The following CMTM8 variants were observed in gnomAD, a reference collection of about 807,000 sequenced individuals.
CMTM8 encodes CKLF like MARVEL transmembrane domain containing 8, also known as CKLF-like MARVEL transmembrane domain-containing protein 8.
CMTM8 carries 12 observed loss-of-function variants against 18.6 expected under a neutral mutation model. The observed-to-expected ratio is 0.65, with a 90% CI of 0.41 to 1.05. The LOEUF (loss-of-function observed/expected upper bound fraction) is 1.05. CMTM8 is among the 50% of genes least tolerant of loss of function. CMTM8 has a pLI of 0.00. For synonymous variants in CMTM8, 87 were observed against 90.6 expected, an observed-to-expected ratio of 0.96 and a Z score of 0.23; for missense variants, 217 against 227.2, an observed-to-expected ratio of 0.95 and a Z score of 0.29.
intron 1 of CMTM8, among the ~76,000 whole-genome samples, chr3:32,291,008 A>G (rs1410278520): frequency 6.6e-6 from 1 of 152,162 alleles, no homozygotes; most frequent in Non-Finnish European, 1.5e-5. Flanking sequence ...TCAGCCTCCC[A>G]CAGTGCTGGG....
intron 1 of CMTM8, among the ~76,000 whole-genome samples, chr3:32,280,437 T>G (rs1273494177): frequency 2.0e-5 from 3 of 152,022 alleles, no homozygotes; most frequent in Admixed American, 1.3e-4. Context: ...GGTATAACTT[T>G]GTAACTTCAC....
chr3:32,348,684 A>G (rs902366015), intron 1 of CMTM8, among the ~76,000 whole-genome samples: 2 of 151,790 alleles, frequency 1.3e-5, no homozygotes, highest in Non-Finnish European at 2.9e-5. Context: ...TTTTTTTGGT[A>G]GAGATGGGGT....
intron 1 of CMTM8, among the ~76,000 whole-genome samples, chr3:32,354,312 A>G (rs1696770472): frequency 6.6e-6 from 1 of 152,218 alleles, no homozygotes; most frequent in African/African-American, 2.4e-5. Flanking sequence ...AGTGGAGACA[A>G]AAGGTTTGCT....
At chr3:32,318,478 G>A (rs1459037928) in intron 1 of CMTM8, among the ~76,000 whole-genome samples, 1 of 151,740 alleles carries the variant, frequency 6.6e-6, no homozygotes, top group Non-Finnish European at 1.5e-5. Context: ...AGGAATGGCT[G>A]GTTTTATTTT....
chr3:32,301,090 T>C (rs528015260), intron 1 of CMTM8, among the ~76,000 whole-genome samples: 1 of 152,262 alleles, frequency 6.6e-6, no homozygotes, highest in South Asian at 2.1e-4. Context: ...CCAGTTAAGA[T>C]GGGAAGGATT....
chr3:32,342,880 C>T (rs578086620), intron 1 of CMTM8, among the ~76,000 whole-genome samples: 2 of 152,324 alleles, frequency 1.3e-5, no homozygotes, highest in African/African-American at 4.8e-5. Flanking sequence ...TGTCCTCCCA[C>T]ACCCTAGGAG....
chr3:32,300,735 G>A (rs1695597893), intron 1 of CMTM8, among the ~76,000 whole-genome samples: 1 of 152,030 alleles, frequency 6.6e-6, no homozygotes, highest in Non-Finnish European at 1.5e-5. Flanking sequence ...GAGGTGGGTG[G>A]ATCACCTGAG....
chr3:32,246,199 T>C (rs1443770953), intron 1 of CMTM8, among the ~76,000 whole-genome samples: 1 of 152,206 alleles, frequency 6.6e-6, no homozygotes, highest in Non-Finnish European at 1.5e-5. Flanking sequence ...CATTTGTCCT[T>C]CACATTCCCT....
chr3:32,263,373 A>G (rs1702284988), intron 1 of CMTM8, among the ~76,000 whole-genome samples: 1 of 152,354 alleles, frequency 6.6e-6, no homozygotes, highest in Non-Finnish European at 1.5e-5. Context: ...ACTCCAACAG[A>G]CCTGCAGCTG....
At position 32,239,051 on chromosome 3, in the gene CMTM8, A is replaced by T; in HGVS notation, c.79A>T (p.Ser27Cys). The T allele has an allele frequency of 6.3e-7, 1 of 1,593,418 alleles. No homozygotes were observed. The highest frequency in any genetic ancestry group is 8.5e-7 in the Non-Finnish European group (1 of 1,170,558). Residue 27 changes from serine to cysteine, a missense_variant, in exon 1 of 4, where the codon AGC becomes TGC. Transcript: ENST00000307526. Reference sequence around the variant, plus strand: ...CTTCGCAGAGAACTTCTCCACCAGCAGCAGCAGCTTCGCCTACGACCGGGA... The same window carrying T: ...CTTCGCAGAGAACTTCTCCACCAGCTGCAGCAGCTTCGCCTACGACCGGGA... ...SSFAENFSTS[S>C]SSFAYDREFL...
chr3:32,267,944 A>G (rs1487794378), intron 1 of CMTM8, among the ~76,000 whole-genome samples: 4 of 152,214 alleles, frequency 2.6e-5, no homozygotes, highest in Non-Finnish European at 5.9e-5. Flanking sequence ...TCAGGAAACA[A>G]CAGGTGCTGG....
chr3:32,302,438 T>C (rs1382948386), intron 1 of CMTM8, among the ~76,000 whole-genome samples: 1 of 152,178 alleles, frequency 6.6e-6, no homozygotes, highest in Non-Finnish European at 1.5e-5. Context: ...TCCCGACATC[T>C]TAGGTCACTT....
At chr3:32,292,899 A>G (rs538066716) in intron 1 of CMTM8, among the ~76,000 whole-genome samples, 1 of 152,030 alleles carries the variant, frequency 6.6e-6, no homozygotes, top group Non-Finnish European at 1.5e-5. Flanking sequence ...GTGCATTTTG[A>G]TTTTCACCCT....
In CMTM8 at chr3:32,334,082, G is replaced by A. The variant is rs560137462; in HGVS notation, c.148-23291G>A. Among the ~76,000 whole-genome samples, 9 of 151,634 alleles carry A rather than the reference G, an allele frequency of 5.9e-5. No individual in the cohort carries two copies. The South Asian group carries it at 8.3e-4, about 14-fold the overall frequency. On this transcript the variant is annotated intron_variant, in intron 1 of 3. Transcript: ENST00000307526. ...AACCTCCACCTCCCAGGTTCTAAGC[G>A]ATTCTCCTGCCTAAGCCTCCGGAGT...
chr3:32,357,294 T>C, intron 1 of CMTM8, 79 bp from the exon 2 acceptor site: 1 of 1,050,964 alleles, frequency 9.5e-7, no homozygotes, highest in Non-Finnish European at 1.4e-6. Flanking sequence ...AATTATTTTT[T>C]TTTCTTTGTC....
At chr3:32,344,975 C>A (rs1696566576) in intron 1 of CMTM8, among the ~76,000 whole-genome samples, 1 of 152,120 alleles carries the variant, frequency 6.6e-6, no homozygotes, top group Admixed American at 6.5e-5. Context: ...AGGGTACACA[C>A]AAAGGACAGA....
chr3:32,264,064 G>A (rs1175506240), intron 1 of CMTM8, among the ~76,000 whole-genome samples: 1 of 152,120 alleles, frequency 6.6e-6, no homozygotes, highest in Non-Finnish European at 1.5e-5. Flanking sequence ...AATCTAGCAA[G>A]GCAGGCCAAC....
chr3:32,333,698 G>T (rs1233340033), intron 1 of CMTM8, among the ~76,000 whole-genome samples: 1 of 151,768 alleles, frequency 6.6e-6, no homozygotes, highest in Non-Finnish European at 1.5e-5. Flanking sequence ...GGTTGCCAAG[G>T]GTTAGAAATG....
chr3:32,335,724 T>C (rs767617114), intron 1 of CMTM8, among the ~76,000 whole-genome samples: 1 of 152,166 alleles, frequency 6.6e-6, no homozygotes, highest in Non-Finnish European at 1.5e-5. Flanking sequence ...TTTCTTCTGT[T>C]TGAAAGAAGG....
Sources: gnomAD v4.1 joint callset for allele counts (sites outside exome capture counted in the v4.1 genomes callset) on GRCh38, gnomAD v4.1.1 for gene constraint, MANE v1.5 for transcripts, NCBI Gene and HGNC (gene_info 2026-07-23, HGNC 2026-07-21) for gene names.